The following COL13A1 variants were observed in gnomAD, a reference collection of about 807,000 sequenced individuals.
COL13A1 encodes collagen alpha-1(XIII) chain.
Under a neutral mutation model 130.9 loss-of-function variants are expected in COL13A1, and 89 were observed. The observed-to-expected ratio is 0.68, with a 90% confidence interval of 0.57 to 0.81. The LOEUF (loss-of-function observed/expected upper bound fraction) is 0.81. COL13A1 is among the 30% of genes least tolerant of loss of function. COL13A1 has a pLI of 0.00. For synonymous variants in COL13A1, 402 were observed against 341.6 expected, an observed-to-expected ratio of 1.18 and a Z score of -1.95; for missense variants, 879 against 934.6, an observed-to-expected ratio of 0.94 and a Z score of 0.78.
intron 2 of COL13A1, among the ~76,000 whole-genome samples, chr10:69,863,625 G>A (rs1171857830): frequency 6.6e-6 from 1 of 152,176 alleles, no homozygotes; most frequent in African/African-American, 2.4e-5. Context: ...CAGGGTCGAG[G>A]GGGAGGGGAC....
intron 4 of COL13A1, among the ~76,000 whole-genome samples, chr10:69,873,608 A>G (rs2059301635): frequency 6.6e-6 from 1 of 152,224 alleles, no homozygotes; most frequent in African/African-American, 2.4e-5. Context: ...ATTAGTTTTA[A>G]AAAAGAAATG....
intron 1 of COL13A1, among the ~76,000 whole-genome samples, chr10:69,819,734 C>A (rs1473853018): frequency 1.3e-5 from 2 of 152,170 alleles, no homozygotes; most frequent in Non-Finnish European, 2.9e-5. Flanking sequence ...CCCACCACAG[C>A]ACCCATGAGC....
chr10:69,939,244 C>T (rs1190539518), intron 34 of COL13A1, among the ~76,000 whole-genome samples: 3 of 152,158 alleles, frequency 2.0e-5, no homozygotes, highest in Non-Finnish European at 2.9e-5. Context: ...TAAGGGGAAC[C>T]GTCCCTTCTC....
chr10:69,943,744 C>A (rs914102084), intron 35 of COL13A1, among the ~76,000 whole-genome samples: 2 of 152,190 alleles, frequency 1.3e-5, no homozygotes, highest in Non-Finnish European at 2.9e-5. Flanking sequence ...GACCCTCCCG[C>A]TGCATGTGGA....
At chr10:69,942,152 G>A (rs1201794343) in intron 35 of COL13A1, among the ~76,000 whole-genome samples, 1 of 152,202 alleles carries the variant, frequency 6.6e-6, no homozygotes, top group African/African-American at 2.4e-5. Context: ...AGAGGTAGGA[G>A]GGTCAAGATA....
At chr10:69,805,694 G>A (rs767387532) in intron 1 of COL13A1, among the ~76,000 whole-genome samples, 14 of 152,248 alleles carry the variant, frequency 9.2e-5, no homozygotes, top group South Asian at 2.1e-4. Flanking sequence ...AGCAGCTTCT[G>A]GGCCTGCAAA....
chr10:69,870,162 ATG>A (rs2058914471), intron 3 of COL13A1, among the ~76,000 whole-genome samples: 1 of 151,510 alleles, frequency 6.6e-6, no homozygotes, highest in South Asian at 2.1e-4. Flanking sequence ...ATATGTGTGT[ATG>A]TGTGTGTACT....
At chr10:69,937,760 G>A (rs3750781) in intron 34 of COL13A1, 45 bp downstream of exon 34, 3 of 849,696 alleles carry the variant, frequency 3.5e-6, no homozygotes, top group South Asian at 2.7e-5. Flanking sequence ...TGATGGGCCA[G>A]GGGTGTGGGC....
intron 4 of COL13A1, 71 bp downstream of exon 4, chr10:69,872,281 G>C (rs2059150754): frequency 1.9e-6 from 3 of 1,579,080 alleles, no homozygotes; most frequent in Non-Finnish European, 2.6e-6. Flanking sequence ...GGACTGGCTA[G>C]GTTGGGTGGC....
chr10:69,809,014 C>G (rs1643535544), intron 1 of COL13A1, among the ~76,000 whole-genome samples: 1 of 152,202 alleles, frequency 6.6e-6, no homozygotes, highest in Non-Finnish European at 1.5e-5. Context: ...TGGGGGCACC[C>G]ACCCCCTCCC....
intron 24 of COL13A1, 70 bp from the exon 25 acceptor site, chr10:69,924,893 C>G (rs1179555155): frequency 1.6e-5 from 23 of 1,445,172 alleles, no homozygotes; most frequent in Non-Finnish European, 2.1e-5. Flanking sequence ...TATCACATGG[C>G]CCATCTAGGG....
At chr10:69,905,649 G>A (rs1479312898) in intron 16 of COL13A1, 138 bp from the exon 17 acceptor site, 3 of 875,808 alleles carry the variant, frequency 3.4e-6, no homozygotes, top group East Asian at 2.7e-5. Context: ...CTCCTGGGAA[G>A]GCTGGAGATG....
At chr10:69,903,381 A>G (rs1346568087) in intron 15 of COL13A1, among the ~76,000 whole-genome samples, 1 of 152,232 alleles carries the variant, frequency 6.6e-6, no homozygotes, top group Non-Finnish European at 1.5e-5. Flanking sequence ...CGGGGCCTGC[A>G]GGGTCACTGC....
intron 1 of COL13A1, among the ~76,000 whole-genome samples, chr10:69,805,434 G>A (rs1190417001): frequency 6.6e-6 from 1 of 152,134 alleles, no homozygotes; most frequent in Non-Finnish European, 1.5e-5. Context: ...TATCTGTGGG[G>A]GCCTTGTCTG....
chr10:69,867,931 T>A, intron 3 of COL13A1, 126 bp downstream of exon 3: 1 of 666,606 alleles, frequency 1.5e-6, no homozygotes, highest in Non-Finnish European at 2.8e-6. Context: ...TGCAGGCTCC[T>A]GAGGGGTCCC....
In COL13A1 at chr10:69,937,076, C is replaced by T. The variant is rs4746933; in HGVS notation, c.1797+294C>T. On this transcript the variant is annotated intron_variant, in intron 33 of 40. Transcript: ENST00000645393. ...CCTGCCCTGGCCCCTTCACTCATGC[C>T]GAGTAGAGGTGGGAGAGAGACAGCA... 0.33 allele frequency among the ~76,000 whole-genome samples: 50,740 copies of T among 152,076 alleles called. 8,493 individuals carry two copies. The highest frequency in any genetic ancestry group is 0.42 in the East Asian group (2,149 of 5,178).
chr10:69,887,610 G>A, intron 8 of COL13A1, 119 bp downstream of exon 8: 2 of 1,103,612 alleles, frequency 1.8e-6, no homozygotes, highest in Non-Finnish European at 2.7e-6. Context: ...TGGTCATTAA[G>A]GACTTGCTTC....
intron 2 of COL13A1, 62 bp from the exon 3 acceptor site, chr10:69,867,736 G>C: frequency 1.4e-6 from 1 of 715,394 alleles, no homozygotes; most frequent in South Asian, 1.5e-5. Flanking sequence ...CTTCCAAGGC[G>C]GCCTCCCCAC....
chr10:69,957,269 A>G (rs1404225655), intron 40 of COL13A1, among the ~76,000 whole-genome samples: 4 of 152,258 alleles, frequency 2.6e-5, no homozygotes, highest in Non-Finnish European at 5.9e-5. Context: ...ATGTCCATGC[A>G]GCCACACAGG....
Sources: gnomAD v4.1 joint callset for allele counts (sites outside exome capture counted in the v4.1 genomes callset) on GRCh38, gnomAD v4.1.1 for gene constraint, MANE v1.5 for transcripts, NCBI Gene and HGNC (gene_info 2026-07-23, HGNC 2026-07-21) for gene names.